Variants in PDIA6 observed in about 807,000 individuals in gnomAD.
PDIA6 encodes protein disulfide isomerase family A member 6, also known as protein disulfide-isomerase A6.
In PDIA6, 29 loss-of-function variants were observed where a neutral mutation model predicts 58.4. That is an observed-to-expected ratio of 0.50 (90% CI 0.37 to 0.68). PDIA6 has a LOEUF of 0.68. PDIA6 is among the 30% of genes least tolerant of loss of function. PDIA6 has a pLI of 0.00. For synonymous variants in PDIA6, 192 were observed against 202.6 expected, an observed-to-expected ratio of 0.95 and a Z score of 0.44; for missense variants, 480 against 551.0, an observed-to-expected ratio of 0.87 and a Z score of 1.29.
upstream of PDIA6, chr2:10,812,826 G>T (rs1364146603): frequency 1.7e-6 from 2 of 1,179,490 alleles, no homozygotes; most frequent in African/African-American, 3.2e-5. Context: ...GGCCGCGCGG[G>T]GGCGGGCCGG....
rs1666563608 is a variant in PDIA6 at position 10,802,635 on chromosome 2, C to T, written c.25G>A (p.Val9Met). The stretch of plus-strand genomic sequence containing the variant: ...ACTGCCAGAAAGAAGGTACAGCTCA[C>T]CAGACCTGAAGATAAAAACAAAAGT... MALLVLGL[V>M]SCTFFLAVNG... The change falls in exon 2 of 13, where the codon GTG (valine) becomes ATG (methionine). Residue 9 changes from valine to methionine, a missense_variant. Transcript: ENST00000272227. 3 of 1,450,108 alleles carry T rather than the reference C, an allele frequency of 2.1e-6. No individual in the cohort carries two copies. The highest frequency in any genetic ancestry group is 1.5e-5 in the African/African-American group (1 of 68,106). 89.8% of individuals were successfully genotyped at this position (1,450,108 alleles called of 1,614,324 possible).
intron 1 of PDIA6, among the ~76,000 whole-genome samples, chr2:10,826,255 G>T (rs556239334): frequency 2.0e-5 from 3 of 152,176 alleles, no homozygotes; most frequent in Admixed American, 2.0e-4. Flanking sequence ...ATTCAAGTTC[G>T]GAACTAGGAA....
chr2:10,837,526 C>G (rs1228649465), exon 1 of PDIA6: 5 of 714,030 alleles, frequency 7.0e-6, no homozygotes, highest in African/African-American at 3.5e-5. Flanking sequence ...ACACTTACCA[C>G]GATCCGAGCG....
intron 2 of PDIA6, chr2:10,819,196 T>C: frequency 1.2e-6 from 1 of 805,106 alleles, no homozygotes; most frequent in Non-Finnish European, 2.0e-6. Context: ...CGTCTGTTAG[T>C]GGACACTTGG....
At chr2:10,787,004 G>A (rs561332091) in intron 11 of PDIA6, among the ~76,000 whole-genome samples, 86 of 152,286 alleles carry the variant, frequency 5.6e-4, no homozygotes, top group African/African-American at 2.0e-3. Flanking sequence ...ATGAGAATGA[G>A]AAAGAGCCCA....
chr2:10,784,282 A>G lies in PDIA6; in HGVS notation c.1299T>C (p.Asp433=), dbSNP rs1422573330. 6.2e-7 allele frequency: 1 copy of G among 1,613,342 alleles called. No homozygotes were observed. The highest frequency in any genetic ancestry group is 1.3e-5 in the African/African-American group (1 of 74,888). Residue 433 remains aspartate (D), a synonymous_variant, in exon 13 of 13, where the codon GAT becomes GAC. Transcript: ENST00000272227. ...CTCACAACTCATCTTTCCCTAAGTCATCAAGCTCCACATCACTGAGGTCAA... is the reference window on the plus strand; with the variant it reads ...CTCACAACTCATCTTTCCCTAAGTCGTCAAGCTCCACATCACTGAGGTCAA... ...DDIDLSDVEL[D]DLGKDEL is the part of the protein sequence containing the mutation.
chr2:10,790,107 T>C (rs1252118737), intron 7 of PDIA6, among the ~76,000 whole-genome samples: 1 of 151,848 alleles, frequency 6.6e-6, no homozygotes, highest in Non-Finnish European at 1.5e-5. Flanking sequence ...GCCTCCTGAG[T>C]AGCTGGGACT....
At chr2:10,806,027 A>T (rs1338843150) in intron 1 of PDIA6, among the ~76,000 whole-genome samples, 1 of 34,348 alleles carries the variant, frequency 2.9e-5, no homozygotes, top group Non-Finnish European at 8.5e-5. Context: ...AGTATAATTA[A>T]AAAAAAAAAA....
intron 1 of PDIA6, among the ~76,000 whole-genome samples, chr2:10,831,117 G>T (rs753723196): frequency 2.8e-4 from 42 of 152,188 alleles, no homozygotes; most frequent in Admixed American, 4.6e-4. Flanking sequence ...TTCCTTGACT[G>T]CAGTGGGTTT....
chr2:10,786,008 C>T (rs1665717483), intron 11 of PDIA6, among the ~76,000 whole-genome samples: 1 of 152,164 alleles, frequency 6.6e-6, no homozygotes, highest in Admixed American at 6.5e-5. Context: ...GCCACCGCAC[C>T]CAGCCCCACA....
At chr2:10,810,838 A>AC (rs1356401992) in intron 1 of PDIA6, among the ~76,000 whole-genome samples, 2 of 152,194 alleles carry the variant, frequency 1.3e-5, no homozygotes, top group African/African-American at 4.8e-5. Flanking sequence ...CTGACCAATG[A>AC]CGTTCTGTTT....
intron 1 of PDIA6, chr2:10,821,450 G>A (rs1225363631): frequency 6.6e-6 from 1 of 152,478 alleles, no homozygotes; most frequent in Non-Finnish European, 1.5e-5. Flanking sequence ...ATTTACCCAG[G>A]AGGCCTCTGG....
chr2:10,819,194 A>G, intron 2 of PDIA6: 1 of 782,800 alleles, frequency 1.3e-6, no homozygotes, highest in Non-Finnish European at 2.1e-6. Context: ...TCCGTCTGTT[A>G]GTGGACACTT....
intron 11 of PDIA6, among the ~76,000 whole-genome samples, chr2:10,786,895 C>A (rs370110415): frequency 7.2e-5 from 11 of 152,218 alleles, no homozygotes; most frequent in African/African-American, 2.4e-4. Context: ...AAGCCAAGTG[C>A]CCAGAAATGG....
upstream of PDIA6, among the ~76,000 whole-genome samples, chr2:10,816,196 C>T (rs564703919): frequency 1.4e-3 from 210 of 149,476 alleles, 1 homozygote; most frequent in African/African-American, 5.0e-3. Flanking sequence ...TATTCTCCTG[C>T]CTCAGCCTCC....
chr2:10,788,788 G>GT lies in PDIA6; in HGVS notation c.926-20dup. 1 of 1,597,700 alleles carries GT rather than the reference G, an allele frequency of 6.3e-7. No individual in the cohort carries two copies. Among genetic ancestry groups the GT allele is most frequent in the Non-Finnish European group, 8.6e-7 (1 of 1,165,056 alleles). ...GCAGCTCCTGATTTAAATAGACAAA[G>GT]TTTTTTAAAGGTAAAGATAAAGGAG... On this transcript the variant is annotated intron_variant, in intron 9 of 12. Transcript: ENST00000272227.
intron 11 of PDIA6, 71 bp downstream of exon 11, chr2:10,787,210 T>G: frequency 7.4e-7 from 1 of 1,346,826 alleles, no homozygotes; most frequent in Non-Finnish European, 1.1e-6. Flanking sequence ...ATATACCTAG[T>G]TCCAAATATA....
intron 1 of PDIA6, among the ~76,000 whole-genome samples, chr2:10,832,016 CAAAA>C (rs59417410): frequency 8.6e-5 from 7 of 81,362 alleles, no homozygotes; most frequent in East Asian, 8.1e-4. Context: ...GACCCTGTCT[CAAAA>C]AAAAAAAAAA....
upstream of PDIA6, among the ~76,000 whole-genome samples, chr2:10,834,915 C>G (rs906402440): frequency 6.6e-6 from 1 of 151,976 alleles, no homozygotes; most frequent in East Asian, 1.9e-4. Context: ...TACAGGCACG[C>G]ACCACCATGT....
Sources: gnomAD v4.1 joint callset for allele counts (sites outside exome capture counted in the v4.1 genomes callset) on GRCh38, gnomAD v4.1.1 for gene constraint, MANE v1.5 for transcripts, NCBI Gene and HGNC (gene_info 2026-07-23, HGNC 2026-07-21) for gene names.